Variants in ANO4 observed in about 807,000 individuals in gnomAD.
ANO4 encodes anoctamin 4, also known as anoctamin-4.
A neutral mutation model predicts 141.9 loss-of-function variants in ANO4; 69 were observed. The observed-to-expected ratio is 0.49, with a 90% CI of 0.40 to 0.59. The LOEUF is 0.59. ANO4 is among the 20% of genes least tolerant of loss of function. The pLI is 0.00. For synonymous variants in ANO4, 350 were observed against 394.3 expected (o/e 0.89, Z 1.33); for missense variants, 894 against 1,162.2 (o/e 0.77, Z 3.36).
rs115157098 is a variant in ANO4, at chr12:100,989,149, C to T, written c.734+1479C>T. On this transcript the variant is annotated intron_variant, in intron 8 of 27. Transcript: ENST00000392977. ...TCCCCACAGGTCAGATTAAAGCCAA[C>T]CCAGCTGCAGTATGTGAACATTTGA... 3.1e-3 allele frequency among the ~76,000 whole-genome samples: 477 copies of T among 152,234 alleles called. 5 individuals carry two copies. Among genetic ancestry groups the T allele is most frequent in the African/African-American group, 0.011 (443 of 41,524 alleles).
intron 9 of ANO4, among the ~76,000 whole-genome samples, chr12:101,023,153 A>G (rs1288031339): frequency 6.6e-6 from 1 of 152,210 alleles, no homozygotes; most frequent in East Asian, 1.9e-4. Context: ...GGAGTTCAAT[A>G]AAGGCGTGCT....
intron 1 of ANO4, among the ~76,000 whole-genome samples, chr12:100,867,116 A>G (rs1399354826): frequency 6.6e-6 from 1 of 152,194 alleles, no homozygotes; most frequent in Non-Finnish European, 1.5e-5. Context: ...CAGTAGCTAC[A>G]TACCAGGCAC....
Position 101,094,254 on chromosome 12 carries a change from A to G in ANO4, c.1702-2A>G. 1.2e-6 allele frequency: 2 copies of G among 1,609,776 alleles called. No homozygotes were observed. Among genetic ancestry groups the G allele is most frequent in the Non-Finnish European group, 1.7e-6 (2 of 1,176,394 alleles). On this transcript the variant is annotated splice_acceptor_variant, in intron 17 of 27. Coordinates refer to ENST00000392977, the MANE Select transcript of ANO4 (RefSeq NM_001286615.2). LOFTEE classifies it high-confidence loss of function. ...ATTAAATGCATGAAATTTATTTTAC[A>G]GCTCTATGAAAAAGTTGCCCTGCTT...
chr12:100,977,009 G>A (rs943288443), intron 7 of ANO4, among the ~76,000 whole-genome samples: 2 of 152,094 alleles, frequency 1.3e-5, no homozygotes, highest in East Asian at 3.9e-4. Context: ...ATGACTTTGG[G>A]CAGGTTACTT....
chr12:100,830,972 C>G (rs530905535), intron 1 of ANO4, among the ~76,000 whole-genome samples: 1 of 152,122 alleles, frequency 6.6e-6, no homozygotes, highest in African/African-American at 2.4e-5. Flanking sequence ...AAGCTAGACC[C>G]ATTCCTCAGT....
intron 3 of ANO4, among the ~76,000 whole-genome samples, chr12:100,742,067 T>G (rs1047204275): frequency 1.3e-5 from 2 of 152,170 alleles, no homozygotes; most frequent in Non-Finnish European, 2.9e-5. Flanking sequence ...TCTTCATTCC[T>G]GGGGACTTTC....
chr12:100,968,524 A>G (rs1265221026), intron 5 of ANO4, among the ~76,000 whole-genome samples: 1 of 152,176 alleles, frequency 6.6e-6, no homozygotes, highest in East Asian at 1.9e-4. Flanking sequence ...TCATAGGAAG[A>G]TGAGTGAATA....
chr12:100,843,951 C>G (rs2037416099), intron 1 of ANO4, among the ~76,000 whole-genome samples: 1 of 152,134 alleles, frequency 6.6e-6, no homozygotes, highest in Non-Finnish European at 1.5e-5. Flanking sequence ...TTCCTTTCAT[C>G]TAAAGTCAAG....
intron 1 of ANO4, among the ~76,000 whole-genome samples, chr12:100,807,146 T>A (rs1046592673): frequency 2.6e-5 from 4 of 152,196 alleles, no homozygotes; most frequent in African/African-American, 9.7e-5. Context: ...CCATTTTATT[T>A]TCCCCCAACA....
intron 5 of ANO4, among the ~76,000 whole-genome samples, chr12:100,954,427 C>T (rs2043099479): frequency 6.6e-6 from 1 of 152,174 alleles, no homozygotes; most frequent in African/African-American, 2.4e-5. Context: ...CTGTAACTAC[C>T]TGCCTGAGAA....
At chr12:101,102,240 A>G (rs1444088528) in intron 22 of ANO4, among the ~76,000 whole-genome samples, 2 of 152,160 alleles carry the variant, frequency 1.3e-5, no homozygotes, top group Admixed American at 6.6e-5. Context: ...AAGAATTTAC[A>G]TAAGAGTGGA....
At chr12:100,771,682 A>G (rs563889250) in intron 3 of ANO4, among the ~76,000 whole-genome samples, 1 of 152,330 alleles carries the variant, frequency 6.6e-6, no homozygotes, top group South Asian at 2.1e-4. Context: ...AGAATGGAGA[A>G]AAGCATCTTC....
chr12:101,036,824 A>C (rs2047215616), intron 9 of ANO4, among the ~76,000 whole-genome samples: 1 of 152,244 alleles, frequency 6.6e-6, no homozygotes, highest in Non-Finnish European at 1.5e-5. Context: ...TAATCATTAC[A>C]TAATGTATAT....
At chr12:100,902,087 A>G (rs1278450240) in intron 2 of ANO4, among the ~76,000 whole-genome samples, 1 of 152,198 alleles carries the variant, frequency 6.6e-6, no homozygotes, top group Non-Finnish European at 1.5e-5. Context: ...TCTAAATGAA[A>G]ATCAGAGTGC....
intron 1 of ANO4, among the ~76,000 whole-genome samples, chr12:100,893,026 A>G (rs984048995): frequency 4.6e-5 from 7 of 152,164 alleles, no homozygotes; most frequent in East Asian, 3.8e-4. Context: ...TATATAGACA[A>G]TCACAGTGCA....
At chr12:100,764,994 G>A (rs115891722) in intron 3 of ANO4, among the ~76,000 whole-genome samples, 1 of 152,052 alleles carries the variant, frequency 6.6e-6, no homozygotes, top group Non-Finnish European at 1.5e-5. Flanking sequence ...GTTTGGAATT[G>A]TTTCTTCTTC....
intron 2 of ANO4, among the ~76,000 whole-genome samples, chr12:100,739,262 A>G (rs2031760081): frequency 6.6e-6 from 1 of 151,900 alleles, no homozygotes; most frequent in African/African-American, 2.4e-5. Context: ...AATTCATGTT[A>G]CCTTCCCCAT....
chr12:100,980,618 C>T (rs189243658), intron 7 of ANO4, among the ~76,000 whole-genome samples: 1 of 152,238 alleles, frequency 6.6e-6, no homozygotes, highest in East Asian at 1.9e-4. Flanking sequence ...TGAAACAAAC[C>T]TATTCCCTAA....
chr12:100,955,223 C>G (rs778640939), intron 5 of ANO4, among the ~76,000 whole-genome samples: 1 of 152,244 alleles, frequency 6.6e-6, no homozygotes, highest in Non-Finnish European at 1.5e-5. Context: ...GCTCTCAAAT[C>G]TGCAATTGAG....
Sources: allele counts gnomAD v4.1 joint callset (sites outside exome capture counted in the v4.1 genomes callset), GRCh38; gene constraint gnomAD v4.1.1; transcripts MANE v1.5; gene names NCBI Gene and HGNC (gene_info 2026-07-23, HGNC 2026-07-21).